NAALADL2: variants seen among roughly 807,000 people sequenced by gnomAD.
The protein encoded by NAALADL2 is N-acetylated alpha-linked acidic dipeptidase like 2.
NAALADL2 carries 76 observed loss-of-function variants against 87.2 expected under a neutral mutation model. The observed-to-expected ratio is 0.87, with a 90% CI of 0.72 to 1.05. The LOEUF is 1.05. NAALADL2 is among the 50% of genes least tolerant of loss of function. The probability of loss-of-function intolerance (pLI) is 0.00; values close to 1 mark genes in which losing one functional copy is unlikely to be tolerated. For missense variants in NAALADL2, 1,089 were observed against 945.8 expected, an observed-to-expected ratio of 1.15 and a Z score of -1.99; for synonymous variants, 354 against 331.0, an observed-to-expected ratio of 1.07 and a Z score of -0.75.
intron 9 of NAALADL2, among the ~76,000 whole-genome samples, chr3:175,525,888 C>T (rs997519808): frequency 1.3e-5 from 2 of 151,804 alleles, no homozygotes; most frequent in South Asian, 4.1e-4. Flanking sequence ...ATTATTTTTC[C>T]GAAAAGTAAC....
intron 1 of NAALADL2, among the ~76,000 whole-genome samples, chr3:174,955,251 C>T (rs1221051277): frequency 3.3e-5 from 5 of 152,050 alleles, no homozygotes; most frequent in Admixed American, 2.6e-4. Context: ...GGCAAGTGTA[C>T]CATATCAGGA....
intron 1 of NAALADL2, among the ~76,000 whole-genome samples, chr3:174,891,068 A>G (rs973416253): frequency 5.9e-5 from 9 of 152,318 alleles, no homozygotes; most frequent in African/African-American, 1.9e-4. Flanking sequence ...TGAATTCCAT[A>G]TCACAAATTA....
intron 1 of NAALADL2, among the ~76,000 whole-genome samples, chr3:174,964,531 T>C (rs1742594165): frequency 6.6e-6 from 1 of 152,072 alleles, no homozygotes. Context: ...GACATTTCAA[T>C]ATTTAGAGGT....
chr3:175,074,145 T>A (rs1160194462), intron 1 of NAALADL2, among the ~76,000 whole-genome samples: 2 of 152,078 alleles, frequency 1.3e-5, no homozygotes, highest in African/African-American at 4.8e-5. Context: ...AATTAATGAA[T>A]GAATTTACCA....
intron 1 of NAALADL2, among the ~76,000 whole-genome samples, chr3:174,873,615 C>A (rs940280835): frequency 1.3e-5 from 2 of 151,888 alleles, no homozygotes; most frequent in African/African-American, 4.8e-5. Context: ...TATGCCTTTG[C>A]CAGTTTAGTG....
At chr3:175,230,328 A>G (rs1369913612) in intron 2 of NAALADL2, among the ~76,000 whole-genome samples, 1 of 152,086 alleles carries the variant, frequency 6.6e-6, no homozygotes, top group Non-Finnish European at 1.5e-5. Flanking sequence ...AAAATTATAA[A>G]CTTTTGCTTA....
chr3:175,053,334 A>G (rs554889108), intron 1 of NAALADL2, among the ~76,000 whole-genome samples: 53 of 152,226 alleles, frequency 3.5e-4, no homozygotes, highest in African/African-American at 1.2e-3. Context: ...TAAATTCCTC[A>G]TTGTGAATTG....
intron 2 of NAALADL2, among the ~76,000 whole-genome samples, chr3:174,647,557 G>GAAATTGAATTTAATGT (rs1723922817): frequency 6.6e-6 from 1 of 152,128 alleles, no homozygotes; most frequent in Admixed American, 6.5e-5. Context: ...TTTAATGTTG[G>GAAATTGAATTTAATGT]CAACTAATTG....
At chr3:175,118,025 AAAC>A (rs1725543658) in intron 2 of NAALADL2, among the ~76,000 whole-genome samples, 1 of 152,024 alleles carries the variant, frequency 6.6e-6, no homozygotes, top group South Asian at 2.1e-4. Flanking sequence ...ACAGAAAATC[AAAC>A]ACCACATGTT....
Position 174,566,242 on chromosome 3 carries a change from A to G in NAALADL2, c.-115+15605A>G, listed in dbSNP as rs115360664. On this transcript the variant is annotated intron_variant, in intron 2 of 3. Coordinates refer to the NAALADL2 transcript ENST00000434257. Reference sequence around the variant, plus strand: ...AAATCCCTACCATTTAGAAATTATTATTATTAAATACAGATATTTTTGTAG... The same window carrying G: ...AAATCCCTACCATTTAGAAATTATTGTTATTAAATACAGATATTTTTGTAG... 6.9e-3 allele frequency among the ~76,000 whole-genome samples: 1,046 copies of G among 152,016 alleles called. 11 individuals carry two copies. The highest frequency in any genetic ancestry group is 0.024 in the African/African-American group (1,013 of 41,546).
intron 2 of NAALADL2, among the ~76,000 whole-genome samples, chr3:174,621,234 T>C (rs1720963342): frequency 6.6e-6 from 1 of 152,142 alleles, no homozygotes; most frequent in Non-Finnish European, 1.5e-5. Context: ...TTTCCCTAGC[T>C]ACTTTTTTCA....
chr3:175,306,534 A>C (rs938086890), intron 4 of NAALADL2, among the ~76,000 whole-genome samples: 8 of 152,146 alleles, frequency 5.3e-5, no homozygotes, highest in Non-Finnish European at 1.0e-4. Context: ...CAAAGCGGCC[A>C]GACGCGGTGG....
At chr3:175,778,605 C>A (rs1750584605) in intron 13 of NAALADL2, among the ~76,000 whole-genome samples, 1 of 152,146 alleles carries the variant, frequency 6.6e-6, no homozygotes, top group South Asian at 2.1e-4. Context: ...ATAAGTAACA[C>A]ATATAAAGCT....
intron 10 of NAALADL2, among the ~76,000 whole-genome samples, chr3:175,580,995 T>C (rs1267163459): frequency 1.3e-5 from 2 of 152,066 alleles, no homozygotes; most frequent in African/African-American, 4.8e-5. Flanking sequence ...TATCAATAAC[T>C]AAATTAGTAT....
chr3:175,701,510 C>T lies in NAALADL2; in HGVS notation c.1897-35796C>T, dbSNP rs138371460. Among the ~76,000 whole-genome samples the T allele has an allele frequency of 1.9e-3, 296 of 152,158 alleles. 1 individual carries two copies. Among genetic ancestry groups the T allele is most frequent in the African/African-American group, 6.6e-3 (275 of 41,516 alleles). On this transcript the variant is annotated intron_variant, in intron 11 of 13. Transcript: ENST00000454872. The stretch of plus-strand genomic sequence containing the variant: ...TGTATTAATATTTGGATTTCAAACA[C>T]GTATTTACCAAAAAATGGCATGCCT...
intron 3 of NAALADL2, among the ~76,000 whole-genome samples, chr3:174,832,988 T>G (rs1722906341): frequency 6.6e-6 from 1 of 152,184 alleles, no homozygotes; most frequent in Admixed American, 6.5e-5. Context: ...TGTTTCTACA[T>G]CTACATCTCT....
At chr3:175,212,796 TAAC>T (rs1336367248) in intron 2 of NAALADL2, among the ~76,000 whole-genome samples, 2 of 152,130 alleles carry the variant, frequency 1.3e-5, no homozygotes, top group African/African-American at 4.8e-5. Context: ...CTTAAAGAAA[TAAC>T]AAAAGAGTTG....
chr3:174,691,130 G>C (rs59751927), intron 2 of NAALADL2, among the ~76,000 whole-genome samples: 5,744 of 152,208 alleles, frequency 0.038, 239 homozygotes, highest in African/African-American at 0.11. Flanking sequence ...TTTATTGTTA[G>C]GCCAGGTGCA....
intron 2 of NAALADL2, among the ~76,000 whole-genome samples, chr3:175,126,929 T>C (rs774187099): frequency 9.2e-5 from 14 of 151,662 alleles, no homozygotes; most frequent in African/African-American, 3.4e-4. Context: ...CTTATTAAAG[T>C]GTCATGGTAA....
Sources: gnomAD v4.1 joint callset for allele counts (sites outside exome capture counted in the v4.1 genomes callset) on GRCh38, gnomAD v4.1.1 for gene constraint, MANE v1.5 for transcripts, NCBI Gene and HGNC (gene_info 2026-07-23, HGNC 2026-07-21) for gene names.